SCAPER: variants seen among roughly 807,000 people sequenced by gnomAD.
The protein encoded by SCAPER is S-phase cyclin A associated protein in the ER, also known as S phase cyclin A-associated protein in the endoplasmic reticulum.
In SCAPER, 98 loss-of-function variants were observed where a neutral mutation model predicts 182.2. The observed-to-expected ratio is 0.54, with a 90% CI of 0.46 to 0.64. SCAPER has a LOEUF of 0.64. Among genes scored for constraint, SCAPER ranks in the 30% least tolerant of loss-of-function variants. SCAPER has a pLI of 0.00. For synonymous variants in SCAPER, 605 were observed against 564.6 expected, an observed-to-expected ratio of 1.07 and a Z score of -1.01; for missense variants, 1,432 against 1,690.0, an observed-to-expected ratio of 0.85 and a Z score of 2.68.
At position 76,729,267 on chromosome 15, in the gene SCAPER, TATACACACACACACATATATATACAC is replaced by T. The variant is rs1422063763; in HGVS notation, c.2023-556_2023-531del. ...CATATATATATATGTTTTATATATA[TATACACACACACACATATATATACAC>T]ATACACACACACACACACACACACA... On this transcript the variant is annotated intron_variant, in intron 16 of 31. Transcript: ENST00000563290. Among the ~76,000 whole-genome samples the T allele has an allele frequency of 4.7e-4, 66 of 141,456 alleles. 1 individual carries two copies. In the East Asian group the frequency reaches 0.012, roughly 25 times the overall value. The allele number at this position is 141,456 out of a possible 152,430, so 92.8% of individuals were successfully genotyped here.
intron 26 of SCAPER, among the ~76,000 whole-genome samples, chr15:76,425,291 A>G (rs1174097998): frequency 1.3e-5 from 2 of 151,974 alleles, no homozygotes; most frequent in African/African-American, 4.8e-5. Context: ...ATAGTCCCAT[A>G]TTTCTGGGAG....
rs1355992188 is a variant in SCAPER, at chr15:76,733,328, A to G, written c.1923T>C (p.Val641=). The change falls in exon 16 of 32, where the codon GTT becomes GTC. Residue 641 remains valine (V), a synonymous_variant. Coordinates refer to ENST00000563290, the MANE Select transcript of SCAPER (RefSeq NM_020843.4). Reference sequence around the variant, plus strand: ...GTTCATATTCCTTCAATTTTGATAAAACATCATGACGTTTATTCTGGGCTT... The same window carrying G: ...GTTCATATTCCTTCAATTTTGATAAGACATCATGACGTTTATTCTGGGCTT... ...TLEAQNKRHD[V]LSKLKEYEQR... 2.5e-6 allele frequency: 4 copies of G among 1,613,654 alleles called. No individual in the cohort carries two copies. The South Asian group carries it at 4.4e-5, about 18-fold the overall frequency.
At chr15:76,472,290 G>C in intron 24 of SCAPER, 1 of 635,974 alleles carries the variant, frequency 1.6e-6, no homozygotes, top group Non-Finnish European at 3.0e-6. Context: ...TGGCAGGGAG[G>C]GGAATAACCC....
intron 26 of SCAPER, among the ~76,000 whole-genome samples, chr15:76,412,751 A>G (rs2045380730): frequency 6.6e-6 from 1 of 152,172 alleles, no homozygotes; most frequent in Non-Finnish European, 1.5e-5. Flanking sequence ...GAAATCTCAG[A>G]GCTGACTTGT....
chr15:76,766,824 T>G (rs2063145238), intron 11 of SCAPER, 94 bp downstream of exon 11: 1 of 922,306 alleles, frequency 1.1e-6, no homozygotes, highest in Non-Finnish European at 1.6e-6. Flanking sequence ...TAATTCTAAA[T>G]AGGACTAGAT....
chr15:76,894,537 A>C (rs1222322946), intron 1 of SCAPER, among the ~76,000 whole-genome samples: 1 of 152,204 alleles, frequency 6.6e-6, no homozygotes, highest in East Asian at 1.9e-4. Flanking sequence ...AGTCAGCATA[A>C]GGAAGGAAAT....
intron 17 of SCAPER, among the ~76,000 whole-genome samples, chr15:76,721,567 G>A (rs1296009628): frequency 1.3e-5 from 2 of 152,062 alleles, no homozygotes; most frequent in Non-Finnish European, 2.9e-5. Context: ...AGCATGGAAT[G>A]TTCTTCCATT....
intron 15 of SCAPER, among the ~76,000 whole-genome samples, chr15:76,733,751 A>G (rs1409712780): frequency 6.6e-6 from 1 of 151,984 alleles, no homozygotes; most frequent in East Asian, 1.9e-4. Flanking sequence ...AAGACTCCAT[A>G]TCAAAAAAGA....
At chr15:76,349,353 A>G (rs1417908217) in intron 31 of SCAPER, 1 of 146,008 alleles carries the variant, frequency 6.8e-6, no homozygotes, top group African/African-American at 2.4e-5. Flanking sequence ...AGTTTTAAGT[A>G]TATCTTTAAA....
intron 6 of SCAPER, among the ~76,000 whole-genome samples, chr15:76,801,623 T>C (rs1488175212): frequency 1.3e-5 from 2 of 151,934 alleles, no homozygotes; most frequent in Non-Finnish European, 2.9e-5. Context: ...CTGGCAAAAG[T>C]AAAAGGGATG....
At chr15:76,636,399 G>T (rs545354345) in intron 21 of SCAPER, among the ~76,000 whole-genome samples, 3 of 151,252 alleles carry the variant, frequency 2.0e-5, no homozygotes, top group East Asian at 3.9e-4. Flanking sequence ...GTCTACTGTT[G>T]ACCCCAACTG....
Position 76,581,368 on chromosome 15 carries a change from T to A in SCAPER, c.2712-7084A>T, listed in dbSNP as rs116624390. ...CAGACAAAGCACAAAAAGAAAACAA[T>A]AGGTCAATATCCCTGATGAACACTG... On this transcript the variant is annotated intron_variant, in intron 22 of 31. Transcript: ENST00000563290. Among the ~76,000 whole-genome samples the A allele has an allele frequency of 6.2e-3, 949 of 152,196 alleles. 8 individuals carry two copies. Among genetic ancestry groups the A allele is most frequent in the African/African-American group, 0.022 (895 of 41,544 alleles).
At chr15:76,592,017 A>G (rs73457039) in intron 22 of SCAPER, among the ~76,000 whole-genome samples, 2,243 of 152,238 alleles carry the variant, frequency 0.015, 61 homozygotes, top group African/African-American at 0.051. Context: ...CTGATATTGC[A>G]CCATTGCACA....
intron 22 of SCAPER, among the ~76,000 whole-genome samples, chr15:76,596,790 G>A (rs1395203270): frequency 8.3e-6 from 1 of 120,304 alleles, no homozygotes; most frequent in East Asian, 2.2e-4. Context: ...CAATAAAGTA[G>A]GTATTGATGG....
rs368910651 is a variant in SCAPER at position 76,603,635 on chromosome 15, G to T, written c.2711+18129C>A. The stretch of plus-strand genomic sequence containing the variant: ...ACTTCCACAATGGTTGAACTAGTTT[G>T]CAGTCCCACTCACAGTGTAAAAGTG... On this transcript the variant is annotated intron_variant, in intron 22 of 31. Coordinates refer to ENST00000563290, the MANE Select transcript of SCAPER (RefSeq NM_020843.4). Among the ~76,000 whole-genome samples the T allele has an allele frequency of 8.3e-5, 10 of 121,072 alleles. 1 individual carries two copies. Among genetic ancestry groups the T allele is most frequent in the African/African-American group, 2.5e-4 (10 of 39,696 alleles). 79.4% of individuals were successfully genotyped at this position (121,072 alleles called of 152,430 possible).
chr15:76,798,351 C>A (rs1321191031), intron 7 of SCAPER, among the ~76,000 whole-genome samples: 3 of 133,656 alleles, frequency 2.2e-5, no homozygotes, highest in East Asian at 2.3e-4. Context: ...CAGAGCAAGA[C>A]TATATCTTAA....
chr15:76,793,264 C>T (rs2065115416), intron 8 of SCAPER: 1 of 968,038 alleles, frequency 1.0e-6, no homozygotes, highest in Non-Finnish European at 1.6e-6. Flanking sequence ...ATTTGGTCTT[C>T]ATCTCAAGTC....
intron 26 of SCAPER, among the ~76,000 whole-genome samples, chr15:76,421,472 G>GT (rs1018760731): frequency 6.6e-6 from 1 of 152,176 alleles, no homozygotes; most frequent in South Asian, 2.1e-4. Flanking sequence ...GGGGTTGTTT[G>GT]TTTTTTTCTT....
rs766145604 is a variant in SCAPER, at chr15:76,574,298, TGAAAG to T, written c.2712-19_2712-15del. ...AATCGCTGAAGCCTTTAATACCAAA[TGAAAG>T]GAAAGAATGACATTAATGAAACAGA... On this transcript the variant is annotated splice_polypyrimidine_tract_variant and intron_variant, in intron 22 of 31. Transcript: ENST00000563290. The T allele has an allele frequency of 2.5e-6, 4 of 1,608,452 alleles. No homozygotes were observed. Among genetic ancestry groups the T allele is most frequent in the South Asian group, 2.2e-5 (2 of 90,354 alleles).
Sources: gnomAD v4.1 joint callset for allele counts (sites outside exome capture counted in the v4.1 genomes callset) on GRCh38, gnomAD v4.1.1 for gene constraint, MANE v1.5 for transcripts, NCBI Gene and HGNC (gene_info 2026-07-23, HGNC 2026-07-21) for gene names.